The following PARVA variants were observed in gnomAD, a reference collection of about 807,000 sequenced individuals.
PARVA encodes parvin alpha, also known as alpha-parvin.
PARVA carries 25 observed loss-of-function variants against 52.6 expected under a neutral mutation model. That is an observed-to-expected ratio of 0.48 (90% confidence interval 0.35 to 0.66). PARVA has a LOEUF of 0.66. PARVA is among the 30% of genes least tolerant of loss of function. The pLI, the probability that PARVA is intolerant of heterozygous loss-of-function variation, is 0.01. For missense variants in PARVA, 373 were observed against 450.9 expected (o/e 0.83, Z 1.56); for synonymous variants, 185 against 179.1 (o/e 1.03, Z -0.26).
intron 12 of PARVA, among the ~76,000 whole-genome samples, chr11:12,520,940 G>A (rs990986572): frequency 2.0e-5 from 3 of 150,886 alleles, no homozygotes; most frequent in African/African-American, 7.3e-5. Flanking sequence ...CTGTCTCAAA[G>A]AAAGGAAAAA....
chr11:12,418,940 G>A (rs1356408628), intron 1 of PARVA, among the ~76,000 whole-genome samples: 1 of 152,088 alleles, frequency 6.6e-6, no homozygotes, highest in Non-Finnish European at 1.5e-5. Context: ...TCCTCACAAT[G>A]GTTTATGAGG....
At chr11:12,461,778 G>C (rs1031116059) in intron 1 of PARVA, among the ~76,000 whole-genome samples, 1 of 152,130 alleles carries the variant, frequency 6.6e-6, no homozygotes, top group Non-Finnish European at 1.5e-5. Flanking sequence ...AACAAAGATG[G>C]GTGGAAACTG....
intron 12 of PARVA, among the ~76,000 whole-genome samples, chr11:12,526,215 GAAATAAA>G (rs1367870555): frequency 6.7e-6 from 1 of 149,104 alleles, no homozygotes; most frequent in Non-Finnish European, 1.5e-5. Context: ...AAAAGCTATT[GAAATAAA>G]AAATAAAATC....
intron 1 of PARVA, among the ~76,000 whole-genome samples, chr11:12,384,213 T>A (rs1209379496): frequency 6.6e-6 from 1 of 152,218 alleles, no homozygotes; most frequent in Non-Finnish European, 1.5e-5. Flanking sequence ...GCTTGAGTCT[T>A]TCCTATTTGG....
At chr11:12,471,563 G>A (rs1052551810) in intron 1 of PARVA, among the ~76,000 whole-genome samples, 2 of 147,246 alleles carry the variant, frequency 1.4e-5, no homozygotes, top group African/African-American at 5.0e-5. Context: ...CAGCGACGTG[G>A]ATGGAGCTGG....
At chr11:12,490,272 C>T (rs1941218161) in intron 4 of PARVA, among the ~76,000 whole-genome samples, 2 of 150,548 alleles carry the variant, frequency 1.3e-5, no homozygotes, top group Non-Finnish European at 2.9e-5. Context: ...GCCTGTAATC[C>T]CAGCACTTTG....
intron 10 of PARVA, among the ~76,000 whole-genome samples, chr11:12,516,690 C>G (rs1383610315): frequency 2.0e-5 from 3 of 152,236 alleles, no homozygotes. Flanking sequence ...TTTTCCCAGA[C>G]AGTAATAGCA....
chr11:12,525,957 C>G (rs1941695469), intron 12 of PARVA, among the ~76,000 whole-genome samples: 1 of 152,102 alleles, frequency 6.6e-6, no homozygotes, highest in Non-Finnish European at 1.5e-5. Flanking sequence ...GCCCTGGGCC[C>G]TAGGCCTGGA....
At chr11:12,451,186 T>C (rs1457733237) in intron 1 of PARVA, among the ~76,000 whole-genome samples, 1 of 152,196 alleles carries the variant, frequency 6.6e-6, no homozygotes, top group Non-Finnish European at 1.5e-5. Context: ...CATGAGAGGA[T>C]CTGGTCCTTA....
intron 1 of PARVA, among the ~76,000 whole-genome samples, chr11:12,415,103 G>A (rs1940046335): frequency 6.6e-6 from 1 of 151,512 alleles, no homozygotes; most frequent in South Asian, 2.1e-4. Flanking sequence ...GTTAACAACA[G>A]GAAAGGCAAT....
chr11:12,382,768 A>G (rs1294367857), intron 1 of PARVA, among the ~76,000 whole-genome samples: 1 of 152,232 alleles, frequency 6.6e-6, no homozygotes, highest in African/African-American at 2.4e-5. Flanking sequence ...CTATGACTTA[A>G]GACAAGTTAC....
At chr11:12,524,898 C>T (rs917169193) in intron 12 of PARVA, among the ~76,000 whole-genome samples, 1 of 152,216 alleles carries the variant, frequency 6.6e-6, no homozygotes, top group African/African-American at 2.4e-5. Context: ...ATGAAGGAAG[C>T]ATGTGGGAGT....
intron 1 of PARVA, among the ~76,000 whole-genome samples, chr11:12,450,393 A>C (rs1940606471): frequency 6.6e-6 from 1 of 152,238 alleles, no homozygotes; most frequent in Admixed American, 6.5e-5. Context: ...AATCCAAAGA[A>C]TGCAAGGACC....
chr11:12,387,322 T>C (rs1939586881), intron 1 of PARVA, among the ~76,000 whole-genome samples: 1 of 152,106 alleles, frequency 6.6e-6, no homozygotes, highest in Non-Finnish European at 1.5e-5. Flanking sequence ...CATCCTTTCT[T>C]TTCTGTTTTT....
intron 5 of PARVA, among the ~76,000 whole-genome samples, chr11:12,501,949 A>G (rs1186853481): frequency 6.6e-6 from 1 of 152,212 alleles, no homozygotes; most frequent in East Asian, 1.9e-4. Flanking sequence ...GGAGAGGGGT[A>G]GCAAATGTTC....
intron 1 of PARVA, among the ~76,000 whole-genome samples, chr11:12,413,113 A>G (rs1940014676): frequency 6.6e-6 from 1 of 152,228 alleles, no homozygotes; most frequent in Non-Finnish European, 1.5e-5. Flanking sequence ...TGTGCCAGGC[A>G]TTTGTCTTTG....
chr11:12,426,594 A>T (rs1354344351), intron 1 of PARVA, among the ~76,000 whole-genome samples: 1 of 152,232 alleles, frequency 6.6e-6, no homozygotes, highest in Non-Finnish European at 1.5e-5. Context: ...CAGATGACGT[A>T]TGTGCTTTTA....
rs1191580752 is a variant in PARVA, at chr11:12,528,906, T to C, written c.*981T>C. Reference sequence around the variant, plus strand: ...ATGGAGTGGCACATTTTGCAGCCTTTTTGCTTGATTGCATGTAATGGAAAT... The same window carrying C: ...ATGGAGTGGCACATTTTGCAGCCTTCTTGCTTGATTGCATGTAATGGAAAT... On this transcript the variant is annotated 3_prime_UTR_variant, in exon 13 of 13. Transcript: ENST00000334956. The C allele has an allele frequency of 2.6e-5, 4 of 152,664 alleles. No individual in the cohort carries two copies. The highest frequency in any genetic ancestry group is 4.4e-5 in the Non-Finnish European group (3 of 68,044). The allele number at this position is 152,664 out of a possible 1,614,324, so 9.5% of individuals were successfully genotyped here.
In PARVA at chr11:12,463,708, T is replaced by C. The variant is rs114476861; in HGVS notation, c.137-10037T>C. On this transcript the variant is annotated intron_variant, in intron 1 of 12. Coordinates refer to ENST00000334956, the MANE Select transcript of PARVA (RefSeq NM_018222.5). ...CCCACACATAAAGAGTGGGGAGTTATGCTCCATTCTTTCAGAACAGAGGAT... is the reference window on the plus strand; with the variant it reads ...CCCACACATAAAGAGTGGGGAGTTACGCTCCATTCTTTCAGAACAGAGGAT... Among the ~76,000 whole-genome samples, 991 of 152,320 alleles carry C rather than the reference T, an allele frequency of 6.5e-3. 14 individuals carry two copies. The highest frequency in any genetic ancestry group is 0.023 in the African/African-American group (939 of 41,578).
Sources: gnomAD v4.1 joint callset for allele counts (sites outside exome capture counted in the v4.1 genomes callset) on GRCh38, gnomAD v4.1.1 for gene constraint, MANE v1.5 for transcripts, NCBI Gene and HGNC (gene_info 2026-07-23, HGNC 2026-07-21) for gene names.